Variants in STXBP5 observed in about 807,000 individuals in gnomAD.
STXBP5 encodes syntaxin binding protein 5, also known as syntaxin-binding protein 5.
In STXBP5, 50 loss-of-function variants were observed where a neutral mutation model predicts 152.4. That is an observed-to-expected ratio of 0.33 (90% CI 0.26 to 0.42). STXBP5 has a LOEUF of 0.42. Ranked by LOEUF, STXBP5 falls within the 10% of genes least tolerant of loss-of-function variation. The probability of loss-of-function intolerance (pLI) is 1.00; values close to 1 mark genes in which losing one functional copy is unlikely to be tolerated. For missense variants in STXBP5, 1,167 were observed against 1,388.6 expected (o/e 0.84, Z 2.54); for synonymous variants, 492 against 494.7 (o/e 0.99, Z 0.07).
chr6:147,362,281 A>G lies in STXBP5; in HGVS notation c.2546-1054A>G, dbSNP rs142679097. Among the ~76,000 whole-genome samples the G allele has an allele frequency of 5.6e-3, 854 of 152,284 alleles. 7 individuals are homozygous for G. Among genetic ancestry groups the G allele is most frequent in the African/African-American group, 0.019 (802 of 41,564 alleles). On this transcript the variant is annotated intron_variant, in intron 23 of 27. Transcript: ENST00000321680. ...CTTTTTCTTAGAAATAAAAGAAAAT[A>G]ATATGTGGAAAAAATACTGCAAGCT...
rs548761761 is a variant in STXBP5, at chr6:147,326,045, G to A, written c.1928+961G>A. 3.9e-5 allele frequency among the ~76,000 whole-genome samples: 6 copies of A among 152,144 alleles called. No homozygotes were observed. The South Asian group carries it at 1.2e-3, about 32-fold the overall frequency. The stretch of plus-strand genomic sequence containing the variant: ...TGCAAATTTTATGCCATTTTGTATT[G>A]AGGACTTGAACATCCGCAGATTTTA... On this transcript the variant is annotated intron_variant, in intron 17 of 27. Transcript: ENST00000321680.
At chr6:147,345,054 C>G (rs1337910330) in intron 21 of STXBP5, among the ~76,000 whole-genome samples, 1 of 152,056 alleles carries the variant, frequency 6.6e-6, no homozygotes, top group East Asian at 1.9e-4. Context: ...GATATAGATT[C>G]TATGGGTATT....
At chr6:147,211,754 T>C (rs1485213043) in intron 2 of STXBP5, among the ~76,000 whole-genome samples, 3 of 152,158 alleles carry the variant, frequency 2.0e-5, no homozygotes, top group Non-Finnish European at 2.9e-5. Flanking sequence ...TATTTTGTTT[T>C]ATTTTTGGCG....
intron 2 of STXBP5, among the ~76,000 whole-genome samples, chr6:147,234,540 A>C (rs890279330): frequency 6.6e-6 from 1 of 151,944 alleles, no homozygotes; most frequent in Non-Finnish European, 1.5e-5. Flanking sequence ...TAAGTGGGGG[A>C]AAATAACATT....
In STXBP5 at chr6:147,364,036, A is replaced by G. The variant is rs1785184808; in HGVS notation, c.2951A>G (p.Tyr984Cys). Residue 984 changes from tyrosine (Y) to cysteine (C), a missense_variant, in exon 25 of 28, where the codon TAC becomes TGC. Around this residue, in one of 3 missense-constraint regions of STXBP5, gnomAD observed 833 missense variants for 986.3 expected, o/e 0.84. Transcript: ENST00000321680. ...TTAAGACCTCTGTTGGATGTGTATT[A>G]CTTGCCCCTTACCAATATGCGGATA... ...PSLRPLLDVY[Y>C]LPLTNMRIAR... 6.2e-7 allele frequency: 1 copy of G among 1,613,872 alleles called. No individual in the cohort carries two copies. The highest frequency in any genetic ancestry group is 1.1e-5 in the South Asian group (1 of 91,082).
At chr6:147,332,341 A>G (rs183700898) in intron 18 of STXBP5, among the ~76,000 whole-genome samples, 111 of 152,348 alleles carry the variant, frequency 7.3e-4, no homozygotes, top group African/African-American at 2.5e-3. Flanking sequence ...GATTACATTA[A>G]TAGTGCCGAG....
intron 19 of STXBP5, among the ~76,000 whole-genome samples, chr6:147,337,214 C>CACACACACACACACACACAAAA: frequency 6.8e-6 from 1 of 147,270 alleles, no homozygotes; most frequent in Non-Finnish European, 1.5e-5. Flanking sequence ...CACACACACA[C>CACACACACACACACACACAAAA]AAGAAGTCAT....
chr6:147,323,975 T>C (rs1783073849), intron 16 of STXBP5, among the ~76,000 whole-genome samples: 1 of 152,206 alleles, frequency 6.6e-6, no homozygotes, highest in Admixed American at 6.5e-5. Context: ...TACACACTCC[T>C]ACCACTGTGG....
intron 2 of STXBP5, among the ~76,000 whole-genome samples, chr6:147,218,949 C>T (rs1276257075): frequency 6.6e-6 from 1 of 152,068 alleles, no homozygotes; most frequent in African/African-American, 2.4e-5. Context: ...CTTTTATTTC[C>T]TTTGCTCATT....
intron 7 of STXBP5, among the ~76,000 whole-genome samples, chr6:147,277,224 C>T (rs1780485958): frequency 6.6e-6 from 1 of 151,998 alleles, no homozygotes; most frequent in Non-Finnish European, 1.5e-5. Context: ...AAATAGATGA[C>T]ATGATAGAAA....
intron 2 of STXBP5, among the ~76,000 whole-genome samples, chr6:147,233,707 G>A (rs1284213838): frequency 2.0e-5 from 3 of 151,500 alleles, no homozygotes; most frequent in Admixed American, 1.3e-4. Flanking sequence ...ATGGGTGAAC[G>A]GAGATACAGA....
intron 22 of STXBP5, among the ~76,000 whole-genome samples, chr6:147,354,075 G>T (rs1482426661): frequency 7.1e-6 from 1 of 141,644 alleles, no homozygotes. Flanking sequence ...TAACTAAATA[G>T]GTATGATTGT....
chr6:147,230,489 A>G (rs1389976665), intron 2 of STXBP5, among the ~76,000 whole-genome samples: 2 of 151,972 alleles, frequency 1.3e-5, no homozygotes, highest in African/African-American at 2.4e-5. Context: ...ATGTTCATTT[A>G]CTACAAGTTA....
intron 25 of STXBP5, among the ~76,000 whole-genome samples, chr6:147,370,192 A>G (rs1785475858): frequency 6.6e-6 from 1 of 152,100 alleles, no homozygotes; most frequent in Non-Finnish European, 1.5e-5. Context: ...AAGAAAATAC[A>G]AATTATAGTG....
intron 16 of STXBP5, among the ~76,000 whole-genome samples, chr6:147,320,325 T>C (rs900263167): frequency 1.3e-5 from 2 of 152,100 alleles, no homozygotes; most frequent in Non-Finnish European, 2.9e-5. Context: ...AACACTGCCT[T>C]TGCAGCAGCA....
Position 147,231,512 on chromosome 6 carries a change from T to A in STXBP5, c.249-3738T>A, listed in dbSNP as rs139174011. 1.2e-4 allele frequency among the ~76,000 whole-genome samples: 18 copies of A among 151,924 alleles called. No individual in the cohort carries two copies. The East Asian group carries it at 2.9e-3, about 24-fold the overall frequency. ...TAGAAAAATCGAGAGCAGAAATGTA[T>A]CTGAGATAGGAATATTGTATTATCT... is the stretch of plus-strand genomic sequence containing the variant. On this transcript the variant is annotated intron_variant, in intron 2 of 27. Transcript: ENST00000321680.
intron 17 of STXBP5, among the ~76,000 whole-genome samples, chr6:147,326,879 A>G (rs1172158259): frequency 6.6e-6 from 1 of 152,214 alleles, no homozygotes; most frequent in Non-Finnish European, 1.5e-5. Context: ...TTCAACTCCT[A>G]TGCCAAATAT....
chr6:147,300,113 A>C (rs1442188281), intron 9 of STXBP5, among the ~76,000 whole-genome samples: 1 of 152,014 alleles, frequency 6.6e-6, no homozygotes, highest in Non-Finnish European at 1.5e-5. Context: ...AGGAGATAAA[A>C]GATCTCTACA....
intron 2 of STXBP5, among the ~76,000 whole-genome samples, chr6:147,221,604 G>T (rs1314174730): frequency 6.6e-6 from 1 of 150,912 alleles, no homozygotes; most frequent in Non-Finnish European, 1.5e-5. Flanking sequence ...TGCCTGCATG[G>T]TTTCTTGTGA....
Sources: allele counts gnomAD v4.1 joint callset (sites outside exome capture counted in the v4.1 genomes callset), GRCh38; gene constraint gnomAD v4.1.1; regional missense constraint gnomAD v4.1.1; transcripts MANE v1.5; gene names NCBI Gene and HGNC (gene_info 2026-07-23, HGNC 2026-07-21).